Variants in TMEM43 observed in about 807,000 individuals in gnomAD.
The protein encoded by TMEM43 is transmembrane protein 43, also known as arrhythmogenic right ventricular dysplasia 5.
Under a neutral mutation model 49.6 loss-of-function variants are expected in TMEM43, and 45 were observed. The observed-to-expected ratio is 0.91, with a 90% CI of 0.71 to 1.16. The LOEUF is 1.16. TMEM43 is among the 50% of genes most tolerant of loss of function. The pLI is 0.00. For missense variants in TMEM43, 532 were observed against 516.6 expected (o/e 1.03, Z -0.29); for synonymous variants, 199 against 207.8 (o/e 0.96, Z 0.36).
intron 1 of TMEM43, chr3:14,128,812 A>G (rs970820411): frequency 2.5e-5 from 9 of 359,102 alleles, no homozygotes; most frequent in Non-Finnish European, 5.0e-5. Context: ...TGTCTGCATA[A>G]AGGTTCATGT....
In TMEM43 at chr3:14,142,100, T is replaced by A. The variant is rs1695257991; in HGVS notation, c.*305T>A. ...GGACTGAGTGGGTACGGCCAGCCAC[T>A]CAGCCCATTGGCAGCTGACAACGCA... On this transcript the variant is annotated 3_prime_UTR_variant, in exon 12 of 12. Transcript: ENST00000306077. The A allele has an allele frequency of 2.3e-6, 1 of 440,298 alleles. No homozygotes were observed. The highest frequency in any genetic ancestry group is 4.2e-6 in the Non-Finnish European group (1 of 237,506). The allele number at this position is 440,298 out of a possible 1,614,324, so 27.3% of individuals were successfully genotyped here.
At position 14,131,763 on chromosome 3, in the gene TMEM43, A is replaced by G. The variant is rs139595197; in HGVS notation, c.392+89A>G. The G allele has an allele frequency of 2.1e-4, 195 of 907,336 alleles. 1 individual carries two copies. The highest frequency in any genetic ancestry group is 2.9e-4 in the Non-Finnish European group (161 of 557,850). The allele number at this position is 907,336 out of a possible 1,614,324, so 56.2% of individuals were successfully genotyped here. On this transcript the variant is annotated intron_variant, in intron 4 of 11. Transcript: ENST00000306077. Reference sequence around the variant, plus strand: ...ACATGCAGATGTCTTTCATTTTGATACCTTTGAAACTCAAGTATAACATCT... The same window carrying G: ...ACATGCAGATGTCTTTCATTTTGATGCCTTTGAAACTCAAGTATAACATCT...
intron 11 of TMEM43, 32 bp downstream of exon 11, chr3:14,139,329 C>G (rs2124995450): frequency 1.4e-6 from 2 of 1,478,562 alleles, no homozygotes; most frequent in East Asian, 2.3e-5. Context: ...TGCCCTCCCT[C>G]CTGCACCCTG....
intron 1 of TMEM43, 47 bp downstream of exon 1, chr3:14,125,252 C>A (rs912834494): frequency 6.3e-7 from 1 of 1,582,484 alleles, no homozygotes; most frequent in Non-Finnish European, 8.6e-7. Context: ...TTCCCCGTCG[C>A]CCTGGGGCTT....
At position 14,135,148 on chromosome 3, in the gene TMEM43, C is replaced by T; in HGVS notation, c.706-10C>T. The T allele has an allele frequency of 6.2e-7, 1 of 1,611,184 alleles. No homozygotes were observed. The highest frequency in any genetic ancestry group is 1.1e-5 in the South Asian group (1 of 91,054). On this transcript the variant is annotated splice_polypyrimidine_tract_variant and intron_variant, in intron 8 of 11. Coordinates refer to ENST00000306077, the MANE Select transcript of TMEM43 (RefSeq NM_024334.3). ...GTTCCTCACTCTCCCTGCTTCTCTTCCACCCCCAGGTGGGAGACTTGCGTG... is the reference window on the plus strand; with the variant it reads ...GTTCCTCACTCTCCCTGCTTCTCTTTCACCCCCAGGTGGGAGACTTGCGTG...
intron 9 of TMEM43, 22 bp from the exon 10 acceptor site, chr3:14,135,785 T>C: frequency 1.2e-6 from 2 of 1,607,700 alleles, no homozygotes; most frequent in Non-Finnish European, 1.7e-6. Context: ...CCCTCAGCTC[T>C]AACACCAGGT....
rs1210805020 is a variant in TMEM43, at chr3:14,125,055, G to GT, written c.-138dup. 32 of 1,130,118 alleles carry GT rather than the reference G, an allele frequency of 2.8e-5. No homozygotes were observed. The Middle Eastern group carries it at 5.8e-4, about 20-fold the overall frequency. The allele number at this position is 1,130,118 out of a possible 1,614,324, so 70.0% of individuals were successfully genotyped here. A position where few individuals can be genotyped will look rare whatever the true frequency, so the allele number is the denominator to read the frequency against. ...CTGGGCACAGGGGGAGGTAACTGCAGTAAGTCCCGCTTGGCCCTGGAGTCC... is the reference window on the plus strand; with the variant it reads ...CTGGGCACAGGGGGAGGTAACTGCAGTTAAGTCCCGCTTGGCCCTGGAGTCC... On this transcript the variant is annotated 5_prime_UTR_variant, in exon 1 of 12. Transcript: ENST00000306077.
At chr3:14,139,137 AC>A (rs1198901539) in intron 10 of TMEM43, 42 bp from the exon 11 acceptor site, 1 of 1,445,338 alleles carries the variant, frequency 6.9e-7, no homozygotes, top group South Asian at 1.1e-5. Context: ...TGGGTACGCC[AC>A]TGGCCCTCAG....
Position 14,141,871 on chromosome 3 carries a change from T to C in TMEM43, c.*76T>C. On this transcript the variant is annotated 3_prime_UTR_variant, in exon 12 of 12. Transcript: ENST00000306077. ...CTCTCTCACCTCTGACCCAGCTCCATGCCAGAGCAGGAGCCCCGGTCAATT... is the reference window on the plus strand; with the variant it reads ...CTCTCTCACCTCTGACCCAGCTCCACGCCAGAGCAGGAGCCCCGGTCAATT... 3 of 1,460,530 alleles carry C rather than the reference T, an allele frequency of 2.1e-6. No individual in the cohort carries two copies. Among genetic ancestry groups the C allele is most frequent in the South Asian group, 2.4e-5 (2 of 82,410 alleles). The allele number at this position is 1,460,530 out of a possible 1,614,324, so 90.5% of individuals were successfully genotyped here.
chr3:14,136,018 C>A, intron 10 of TMEM43, 110 bp downstream of exon 10: 1 of 950,228 alleles, frequency 1.1e-6, no homozygotes, highest in Non-Finnish European at 1.7e-6. Flanking sequence ...GTGAATGAGG[C>A]AAGAAGAAGA....
intron 1 of TMEM43, among the ~76,000 whole-genome samples, chr3:14,128,597 C>T (rs918825565): frequency 6.6e-6 from 1 of 152,188 alleles, no homozygotes; most frequent in South Asian, 2.1e-4. Flanking sequence ...ACCTCACTGC[C>T]CTAAGACTGT....
chr3:14,127,166 T>G (rs945044493), intron 1 of TMEM43, among the ~76,000 whole-genome samples: 2 of 152,186 alleles, frequency 1.3e-5, no homozygotes, highest in African/African-American at 2.4e-5. Context: ...TGTGTATACA[T>G]GTAATACATA....
chr3:14,132,719 C>A, intron 5 of TMEM43, 124 bp downstream of exon 5: 1 of 1,389,572 alleles, frequency 7.2e-7, no homozygotes, highest in Non-Finnish European at 1.0e-6. Context: ...TCCCTGGGTG[C>A]AAGTCTTCAG....
intron 5 of TMEM43, 52 bp downstream of exon 5, chr3:14,132,647 G>A (rs560249672): frequency 6.9e-6 from 11 of 1,599,274 alleles, no homozygotes; most frequent in Admixed American, 5.0e-5. Context: ...GGCCCACAGT[G>A]GTGGCTGGAC....
Position 14,135,252 on chromosome 3 carries a change from G to A in TMEM43, c.780+20G>A. ...CACGTGGTAACCTGGCTTCCCAGGGGCAGACACTAAGTCAGAGCCTCACGA... is the reference window on the plus strand; with the variant it reads ...CACGTGGTAACCTGGCTTCCCAGGGACAGACACTAAGTCAGAGCCTCACGA... On this transcript the variant is annotated intron_variant, in intron 9 of 11. Transcript: ENST00000306077. 1 of 1,603,978 alleles carries A rather than the reference G, an allele frequency of 6.2e-7. No individual in the cohort carries two copies. Among genetic ancestry groups the A allele is most frequent in the Non-Finnish European group, 8.5e-7 (1 of 1,174,366 alleles).
intron 9 of TMEM43, 144 bp downstream of exon 9, chr3:14,135,376 G>T (rs3814413): frequency 2.7e-6 from 2 of 748,190 alleles, no homozygotes; most frequent in African/African-American, 1.7e-5. Context: ...AGCCAGGCAC[G>T]CTTCTGAGCA....
intron 11 of TMEM43, among the ~76,000 whole-genome samples, chr3:14,140,252 T>C (rs988567161): frequency 2.0e-5 from 3 of 152,140 alleles, no homozygotes; most frequent in African/African-American, 7.2e-5. Context: ...GAGATGAGCA[T>C]TTAAACGGAA....
At chr3:14,129,100 A>C (rs866648743) in intron 1 of TMEM43, 3 of 406,192 alleles carry the variant, frequency 7.4e-6, no homozygotes, top group Non-Finnish European at 1.5e-5. Context: ...GAGAAATTCA[A>C]ATTCAGATTC....
In TMEM43 at chr3:14,129,522, G is replaced by A; in HGVS notation, c.123G>A (p.Met41Ile). 1 of 1,614,086 alleles carries A rather than the reference G, an allele frequency of 6.2e-7. No individual in the cohort carries two copies. The highest frequency in any genetic ancestry group is 8.5e-7 in the Non-Finnish European group (1 of 1,180,014). Residue 41 changes from methionine to isoleucine, a missense_variant, in exon 2 of 12, where the codon ATG (methionine) becomes ATA (isoleucine). Physicochemically the swap from Met to Ile is conservative, Grantham distance 10. Transcript: ENST00000306077. ...ETSGGMFVGLMAFLLSFYLIF... is the reference protein window; with the variant it reads ...ETSGGMFVGLIAFLLSFYLIF... ...CGGGTGGGATGTTTGTGGGGCTCAT[G>A]GCCTTCCTGCTCTCCTTCTACCTAA...
Sources: allele counts gnomAD v4.1 joint callset (sites outside exome capture counted in the v4.1 genomes callset), GRCh38; gene constraint gnomAD v4.1.1; transcripts MANE v1.5; gene names NCBI Gene and HGNC (gene_info 2026-07-23, HGNC 2026-07-21).